The following OR9Q1 variants were observed in gnomAD, a reference collection of about 807,000 sequenced individuals.
OR9Q1 encodes the protein olfactory receptor family 9 subfamily Q member 1.
For synonymous variants in OR9Q1, 153 were observed against 148.6 expected (o/e 1.03, Z -0.22); for missense variants, 374 against 378.8 (o/e 0.99, Z 0.11).
chr11:58,035,434 T>C (rs1031475632), intron 1 of OR9Q1, among the ~76,000 whole-genome samples: 1 of 152,192 alleles, frequency 6.6e-6, no homozygotes, highest in Admixed American at 6.5e-5. Flanking sequence ...TTTTGGAAAT[T>C]GAAGGAGCTC....
intron 2 of OR9Q1, among the ~76,000 whole-genome samples, chr11:58,146,206 C>CATCT (rs1473536150): frequency 2.0e-5 from 3 of 152,170 alleles, no homozygotes; most frequent in African/African-American, 7.2e-5. Flanking sequence ...GTTCATGGAC[C>CATCT]ATCTGCCTCA....
At chr11:58,029,638 A>T (rs1186214200) in intron 1 of OR9Q1, among the ~76,000 whole-genome samples, 1 of 152,094 alleles carries the variant, frequency 6.6e-6, no homozygotes, top group Non-Finnish European at 1.5e-5. Context: ...AAAAAATGGG[A>T]TTATTTAGTG....
In OR9Q1 at chr11:58,181,170, C is replaced by T. The variant is rs902027168; in HGVS notation, c.*793C>T. 1.2e-5 allele frequency: 2 copies of T among 167,060 alleles called. No homozygotes were observed. The highest frequency in any genetic ancestry group is 2.4e-5 in the African/African-American group (1 of 41,466). 10.3% of individuals were successfully genotyped at this position (167,060 alleles called of 1,614,324 possible). A position where few individuals can be genotyped will look rare whatever the true frequency, so the allele number is the denominator to read the frequency against. On this transcript the variant is annotated 3_prime_UTR_variant, in exon 3 of 3. Coordinates refer to ENST00000335397, the MANE Select transcript of OR9Q1 (RefSeq NM_001005212.4). ...CTTCCTACCTATTACAGTTCTCTCTCGTCATATGGCATGACTAAAAATCCA... is the reference window on the plus strand; with the variant it reads ...CTTCCTACCTATTACAGTTCTCTCTTGTCATATGGCATGACTAAAAATCCA...
chr11:58,162,134 G>A (rs753258739), intron 2 of OR9Q1, among the ~76,000 whole-genome samples: 3 of 150,864 alleles, frequency 2.0e-5, no homozygotes, highest in Non-Finnish European at 4.4e-5. Context: ...CTTGAAGAAG[G>A]TTCCTAACAG....
intron 2 of OR9Q1, among the ~76,000 whole-genome samples, chr11:58,176,834 C>T (rs1854611303): frequency 6.6e-6 from 1 of 152,144 alleles, no homozygotes; most frequent in African/African-American, 2.4e-5. Flanking sequence ...AAGAACCACC[C>T]AGACTTCCTG....
At chr11:58,156,963 A>G (rs1854414053) in intron 2 of OR9Q1, among the ~76,000 whole-genome samples, 1 of 152,216 alleles carries the variant, frequency 6.6e-6, no homozygotes, top group African/African-American at 2.4e-5. Flanking sequence ...TTATAAGATA[A>G]TAAAGCATTT....
chr11:58,122,355 A>G (rs998496308), intron 2 of OR9Q1, among the ~76,000 whole-genome samples: 1 of 152,176 alleles, frequency 6.6e-6, no homozygotes, highest in African/African-American at 2.4e-5. Context: ...GGTATGGTTC[A>G]AGCTCTGTGG....
At chr11:58,059,937 C>T (rs1008593750) in intron 2 of OR9Q1, 3 of 152,110 alleles carry the variant, frequency 2.0e-5, no homozygotes, top group Non-Finnish European at 4.4e-5. Context: ...TGTCTTGACA[C>T]ACTCTCCAGG....
At chr11:58,070,263 G>C (rs188013239) in intron 2 of OR9Q1, among the ~76,000 whole-genome samples, 1 of 151,492 alleles carries the variant, frequency 6.6e-6, no homozygotes, top group Non-Finnish European at 1.5e-5. Context: ...TGATCTGCTC[G>C]CCTTGGCCTC....
At chr11:58,083,454 G>A (rs1853607857) in intron 2 of OR9Q1, among the ~76,000 whole-genome samples, 1 of 151,804 alleles carries the variant, frequency 6.6e-6, no homozygotes, top group Admixed American at 6.6e-5. Context: ...CTGAGCAGAA[G>A]CTCTTTCATT....
intron 2 of OR9Q1, among the ~76,000 whole-genome samples, chr11:58,085,426 A>C (rs1853625158): frequency 6.6e-6 from 1 of 151,662 alleles, no homozygotes; most frequent in African/African-American, 2.4e-5. Context: ...CATAAAATCT[A>C]CTCTTTTAAC....
chr11:58,061,892 C>T (rs1428463371), intron 2 of OR9Q1, among the ~76,000 whole-genome samples: 5 of 152,274 alleles, frequency 3.3e-5, no homozygotes, highest in Admixed American at 6.5e-5. Context: ...TCAACAGATG[C>T]GATCTGAACA....
chr11:58,058,440 G>A (rs1012550009), intron 2 of OR9Q1, among the ~76,000 whole-genome samples: 7 of 152,148 alleles, frequency 4.6e-5, no homozygotes, highest in Admixed American at 6.5e-5. Context: ...ACGGCTGGGC[G>A]CAGCGCCAAC....
intron 2 of OR9Q1, among the ~76,000 whole-genome samples, chr11:58,129,863 T>C (rs895949474): frequency 1.3e-5 from 2 of 152,200 alleles, no homozygotes; most frequent in Non-Finnish European, 2.9e-5. Context: ...TTTTCTGTTT[T>C]TTTCAAATTA....
intron 2 of OR9Q1, among the ~76,000 whole-genome samples, chr11:58,070,406 G>A (rs1204696469): frequency 2.6e-5 from 4 of 151,902 alleles, no homozygotes; most frequent in African/African-American, 4.8e-5. Context: ...AGTAGTCCTG[G>A]CGTGTACACC....
At chr11:58,122,102 A>T (rs1051248847) in intron 2 of OR9Q1, among the ~76,000 whole-genome samples, 8 of 152,138 alleles carry the variant, frequency 5.3e-5, no homozygotes, top group African/African-American at 9.7e-5. Flanking sequence ...ATGAGGCCCC[A>T]TCTCTAGAAT....
Position 58,050,727 on chromosome 11 carries a change from A to G in OR9Q1, c.-92-5143A>G, listed in dbSNP as rs1173340287. On this transcript the variant is annotated intron_variant, in intron 1 of 2. Coordinates refer to ENST00000335397, the MANE Select transcript of OR9Q1 (RefSeq NM_001005212.4). ...GACAAAGGGCTAACATCCAGAATCT[A>G]CAATGAACTCAAACAAATTTACAAG... Among the ~76,000 whole-genome samples, 7 of 113,138 alleles carry G rather than the reference A, an allele frequency of 6.2e-5. 2 individuals carry two copies. The highest frequency in any genetic ancestry group is 1.1e-4 in the Non-Finnish European group (6 of 53,460). The allele number at this position is 113,138 out of a possible 152,430, so 74.2% of individuals were successfully genotyped here.
chr11:58,141,275 G>A (rs1854246173), intron 2 of OR9Q1, among the ~76,000 whole-genome samples: 2 of 152,172 alleles, frequency 1.3e-5, no homozygotes, highest in Admixed American at 1.3e-4. Flanking sequence ...AGTGGTGAGA[G>A]AGGGCATCCC....
intron 2 of OR9Q1, chr11:58,118,755 A>C (rs1236950543): frequency 6.2e-7 from 1 of 1,614,102 alleles, no homozygotes; most frequent in Non-Finnish European, 8.5e-7. Flanking sequence ...TGCCACCTGA[A>C]GACTTCACTT....
Sources: gnomAD v4.1 joint callset for allele counts (sites outside exome capture counted in the v4.1 genomes callset) on GRCh38, gnomAD v4.1.1 for gene constraint, MANE v1.5 for transcripts, NCBI Gene and HGNC (gene_info 2026-07-23, HGNC 2026-07-21) for gene names.